The following COL5A2 variants were observed in gnomAD, a reference collection of about 807,000 sequenced individuals.
COL5A2 encodes the protein collagen type V alpha 2 chain, also known as collagen alpha-2(V) chain.
A neutral mutation model predicts 208.2 loss-of-function variants in COL5A2; 23 were observed. That is an observed-to-expected ratio of 0.11 (90% CI 0.08 to 0.16). The LOEUF is 0.16. Ranked by LOEUF, COL5A2 falls within the 10% of genes least tolerant of loss-of-function variation. The pLI, the probability that COL5A2 is intolerant of heterozygous loss-of-function variation, is 1.00. For missense variants in COL5A2, 1,590 were observed against 1,956.4 expected (o/e 0.81, Z 3.53); for synonymous variants, 625 against 628.5 (o/e 0.99, Z 0.08).
chr2:189,378,868 C>T, the COL5A2 span, among the ~76,000 whole-genome samples: 1 of 151,950 alleles, frequency 6.6e-6, no homozygotes, highest in African/African-American at 2.4e-5. Flanking sequence ...GTAAATTTTA[C>T]CCTCAACAAT....
chr2:189,376,134 A>T, the COL5A2 span, among the ~76,000 whole-genome samples: 1 of 152,210 alleles, frequency 6.6e-6, no homozygotes, highest in Non-Finnish European at 1.5e-5. Context: ...ATTAAATTTT[A>T]AAAATTCTTT....
rs1685387962 is a variant in COL5A2, at chr2:189,033,873, T to C, written c.*197A>G. ...TGTATTGAAAAATATTTAAAATCAA[T>C]TAAAACTTGAGGATTGTAAGTAAAA... On this transcript the variant is annotated 3_prime_UTR_variant, in exon 54 of 54. Coordinates refer to ENST00000374866, the MANE Select transcript of COL5A2 (RefSeq NM_000393.5). The C allele has an allele frequency of 1.5e-6, 1 of 686,074 alleles. No homozygotes were observed. The highest frequency in any genetic ancestry group is 2.4e-6 in the Non-Finnish European group (1 of 408,364). 42.5% of individuals were successfully genotyped at this position (686,074 alleles called of 1,614,324 possible). A position where few individuals can be genotyped will look rare whatever the true frequency, so the allele number is the denominator to read the frequency against.
At chr2:189,203,990 C>G (rs1282729845) in intron 1 of COL5A2, among the ~76,000 whole-genome samples, 2 of 152,078 alleles carry the variant, frequency 1.3e-5, no homozygotes, top group East Asian at 1.9e-4. Flanking sequence ...CTCTGCCTCC[C>G]GGGTTCACGC....
At chr2:189,057,966 C>T (rs1194715715) in intron 33 of COL5A2, among the ~76,000 whole-genome samples, 1 of 152,142 alleles carries the variant, frequency 6.6e-6, no homozygotes, top group East Asian at 1.9e-4. Flanking sequence ...CACTAAATGG[C>T]ACACATTTCT....
the COL5A2 span, among the ~76,000 whole-genome samples, chr2:189,378,593 G>A: frequency 6.6e-6 from 1 of 152,028 alleles, no homozygotes. Context: ...GCATGGTGGT[G>A]GGTGCCTGTG....
chr2:189,179,624 G>C lies in COL5A2; in HGVS notation c.-20C>G. 6.3e-7 allele frequency: 1 copy of C among 1,589,566 alleles called. No individual in the cohort carries two copies. Among genetic ancestry groups the C allele is most frequent in the Non-Finnish European group, 8.6e-7 (1 of 1,164,932 alleles). On this transcript the variant is annotated 5_prime_UTR_variant, in exon 1 of 54. Transcript: ENST00000374866. ...CATCATGTCTAAATATTAGACATGT[G>C]GGTTCTCCTGAGAGTGAAAAGTAGA...
chr2:189,417,842 GTA>G, the COL5A2 span, among the ~76,000 whole-genome samples: 2 of 150,840 alleles, frequency 1.3e-5, no homozygotes, highest in Non-Finnish European at 3.0e-5. Flanking sequence ...ACATATATGT[GTA>G]TATATATATG....
the COL5A2 span, among the ~76,000 whole-genome samples, chr2:189,414,776 A>AAG: frequency 1.7e-3 from 226 of 133,096 alleles, 1 homozygote; most frequent in South Asian, 2.2e-3. Flanking sequence ...AAAAAAAAAA[A>AAG]GAATGTTTCC....
At chr2:189,169,737 T>G (rs1367006518) in intron 1 of COL5A2, among the ~76,000 whole-genome samples, 1 of 152,186 alleles carries the variant, frequency 6.6e-6, no homozygotes, top group Non-Finnish European at 1.5e-5. Flanking sequence ...TTGAGACGGA[T>G]TTTTGCTCTT....
At chr2:189,043,485 C>T (rs1363204856) in intron 47 of COL5A2, among the ~76,000 whole-genome samples, 1 of 151,916 alleles carries the variant, frequency 6.6e-6, no homozygotes, top group Non-Finnish European at 1.5e-5. Context: ...AATAAGAATA[C>T]TTTTCTGAAG....
At chr2:189,429,765 A>G in the COL5A2 span, among the ~76,000 whole-genome samples, 3 of 152,230 alleles carry the variant, frequency 2.0e-5, no homozygotes, top group Non-Finnish European at 4.4e-5. Context: ...TACCATAGGC[A>G]ATATTGACTG....
Position 189,127,021 on chromosome 2 carries a change from A to G in COL5A2, c.98-16572T>C, listed in dbSNP as rs185506741. On this transcript the variant is annotated intron_variant, in intron 1 of 53. Coordinates refer to ENST00000374866, the MANE Select transcript of COL5A2 (RefSeq NM_000393.5). ...GTGCAAAACGATAAGCAACTTACAG[A>G]AATAAATTCAGAGTGCTTAGGGAGT... is the stretch of plus-strand genomic sequence containing the variant. 6.6e-3 allele frequency among the ~76,000 whole-genome samples: 1,001 copies of G among 152,198 alleles called. 8 individuals are homozygous for G. Among genetic ancestry groups the G allele is most frequent in the Non-Finnish European group, 0.011 (769 of 67,948 alleles).
At chr2:189,202,067 C>G (rs1382589860) in intron 1 of COL5A2, among the ~76,000 whole-genome samples, 1 of 151,278 alleles carries the variant, frequency 6.6e-6, no homozygotes, top group Non-Finnish European at 1.5e-5. Context: ...CCTGTTTTAG[C>G]TGGTAAGAGA....
At chr2:189,231,029 T>C in the COL5A2 span, among the ~76,000 whole-genome samples, 1 of 151,926 alleles carries the variant, frequency 6.6e-6, no homozygotes, top group African/African-American at 2.4e-5. Flanking sequence ...TGCTACAACA[T>C]GGATGAATCT....
the COL5A2 span, among the ~76,000 whole-genome samples, chr2:189,325,110 G>T: frequency 1.3e-5 from 2 of 151,944 alleles, no homozygotes; most frequent in Non-Finnish European, 2.9e-5. Context: ...AGGTGGGAAT[G>T]GAACAATGAG....
intron 21 of COL5A2, 123 bp downstream of exon 21, chr2:189,067,892 C>A (rs752447156): frequency 1.6e-5 from 13 of 820,522 alleles, no homozygotes; most frequent in Non-Finnish European, 2.3e-5. Flanking sequence ...CAAAGACTCC[C>A]ATCTTCCCAC....
intron 51 of COL5A2, among the ~76,000 whole-genome samples, chr2:189,037,176 T>C (rs1317216200): frequency 6.6e-6 from 1 of 152,184 alleles, no homozygotes; most frequent in Non-Finnish European, 1.5e-5. Flanking sequence ...CAAAATAATG[T>C]AAATAATGTA....
chr2:189,066,419 C>T lies in COL5A2; in HGVS notation c.1534G>A (p.Val512Ile), dbSNP rs1022068246. 1 of 1,614,230 alleles carries T rather than the reference C, an allele frequency of 6.2e-7. No homozygotes were observed. Among genetic ancestry groups the T allele is most frequent in the Non-Finnish European group, 8.5e-7 (1 of 1,180,032 alleles). ...KRGPRGDPGT[V>I]GPPGPVGERG... Reference sequence around the variant, plus strand: ...TCTCCCACTGGCCCTGGAGGACCAACTGTTCCTGGGTCACCTCTGGGACCT... The same window carrying T: ...TCTCCCACTGGCCCTGGAGGACCAATTGTTCCTGGGTCACCTCTGGGACCT... The change falls in exon 23 of 54, where the codon GTT (valine) becomes ATT (isoleucine). Residue 512 changes from valine (V) to isoleucine (I), a missense_variant. Transcript: ENST00000374866.
chr2:189,081,111 ATT>A (rs1168791098), intron 12 of COL5A2, 68 bp from the exon 13 acceptor site: 1 of 1,314,700 alleles, frequency 7.6e-7, no homozygotes, highest in East Asian at 2.3e-5. Context: ...TTAATATATC[ATT>A]TTTTCCCAAA....
Sources: gnomAD v4.1 joint callset for allele counts (sites outside exome capture counted in the v4.1 genomes callset) on GRCh38, gnomAD v4.1.1 for gene constraint, MANE v1.5 for transcripts, NCBI Gene and HGNC (gene_info 2026-07-23, HGNC 2026-07-21) for gene names.